Variants in SLC2A14 observed in about 807,000 individuals in gnomAD.
The protein encoded by SLC2A14 is solute carrier family 2 member 14.
SLC2A14 carries 13 observed loss-of-function variants against 43.0 expected under a neutral mutation model. The ratio of observed to expected loss-of-function variants is 0.30; its 90% CI spans 0.20 to 0.48. The LOEUF is 0.48. Among genes scored for constraint, SLC2A14 ranks in the 20% least tolerant of loss-of-function variants. The pLI is 0.99. For missense variants in SLC2A14, 428 were observed against 620.4 expected (o/e 0.69, Z 3.29); for synonymous variants, 190 against 233.8 (o/e 0.81, Z 1.71).
chr12:7,858,044 T>A (rs7956145), intron 2 of SLC2A14, among the ~76,000 whole-genome samples: 40,802 of 151,696 alleles, frequency 0.27, 5,926 homozygotes, highest in Middle Eastern at 0.34. Context: ...AGGCAATAAG[T>A]ACTGTTTGAG....
intron 1 of SLC2A14, among the ~76,000 whole-genome samples, chr12:7,878,841 C>G (rs1945510659): frequency 6.6e-6 from 1 of 151,356 alleles, no homozygotes; most frequent in Non-Finnish European, 1.5e-5. Flanking sequence ...GCTGGGCATG[C>G]TGGCACCTGC....
At chr12:7,874,743 A>ATATAAC (rs1565584399), upstream of SLC2A14, among the ~76,000 whole-genome samples, 2 of 112,962 alleles carry the variant, frequency 1.8e-5, no homozygotes, top group Non-Finnish European at 3.5e-5. Context: ...ATATAAAAAT[A>ATATAAC]TATATAAATA....
chr12:7,871,699 C>T (rs3923481), intron 1 of SLC2A14, among the ~76,000 whole-genome samples: 63,611 of 151,540 alleles, frequency 0.42, 13,245 homozygotes, highest in Admixed American at 0.46. Context: ...TGGGCTGCTC[C>T]CCAAGGAGGA....
At chr12:7,830,261 T>G (rs1335699819) in intron 4 of SLC2A14, among the ~76,000 whole-genome samples, 1 of 151,688 alleles carries the variant, frequency 6.6e-6, no homozygotes, top group African/African-American at 2.4e-5. Flanking sequence ...CAAGCAATTC[T>G]CTGCCTCATA....
chr12:7,827,790 C>T, intron 6 of SLC2A14, 108 bp from the exon 7 acceptor site: 1 of 1,517,266 alleles, frequency 6.6e-7, no homozygotes, highest in Non-Finnish European at 8.8e-7. Context: ...TGATGGGTAG[C>T]ATCCATTCCT....
At chr12:7,874,771 A>AAAT (rs1447376974), upstream of SLC2A14, among the ~76,000 whole-genome samples, 5 of 21,392 alleles carry the variant, frequency 2.3e-4, no homozygotes, top group Non-Finnish European at 4.1e-4. Context: ...AACTATATAA[A>AAAT]CATATATAAA....
intron 2 of SLC2A14, among the ~76,000 whole-genome samples, chr12:7,836,674 A>C (rs1865487684): frequency 1.3e-5 from 2 of 152,058 alleles, no homozygotes; most frequent in Admixed American, 6.5e-5. Context: ...TCTCTACTAA[A>C]GACACAAAAA....
intron 2 of SLC2A14, among the ~76,000 whole-genome samples, chr12:7,844,381 A>G (rs1429724709): frequency 6.6e-6 from 1 of 152,004 alleles, no homozygotes; most frequent in African/African-American, 2.4e-5. Flanking sequence ...TTACTTATCT[A>G]TTCTCCCACT....
chr12:7,851,958 C>G (rs781249863), intron 2 of SLC2A14, among the ~76,000 whole-genome samples: 1 of 152,152 alleles, frequency 6.6e-6, no homozygotes, highest in East Asian at 1.9e-4. Context: ...TACCTGGTGA[C>G]GGGACAGTGA....
At chr12:7,872,771 C>T (rs1945309212) in intron 1 of SLC2A14, 36 bp downstream of exon 1, 1 of 985,450 alleles carries the variant, frequency 1.0e-6, no homozygotes, top group Non-Finnish European at 1.2e-6. Flanking sequence ...CTCATTCCCG[C>T]ACCCCCCGGC....
chr12:7,850,851 T>C (rs1866880915), intron 2 of SLC2A14: 1 of 152,210 alleles, frequency 6.6e-6, no homozygotes, highest in African/African-American at 2.4e-5. Context: ...TTTTTCTCTG[T>C]CACAGCACCT....
Position 7,827,546 on chromosome 12 carries a change from G to C in SLC2A14, c.813C>G (p.Ile271Met), listed in dbSNP as rs369964930. 6.2e-7 allele frequency: 1 copy of C among 1,612,812 alleles called. No individual in the cohort carries two copies. Among genetic ancestry groups the C allele is most frequent in the African/African-American group, 1.3e-5 (1 of 74,480 alleles). Residue 271 changes from isoleucine (I) to methionine (M), a missense_variant, in exon 7 of 11, where the codon ATC becomes ATG. This residue lies in a region of SLC2A14 where 185 missense variants were observed against 275.4 expected (regional missense o/e 0.67). Coordinates refer to ENST00000431042, the MANE Select transcript of SLC2A14 (RefSeq NM_001286234.2). The stretch of plus-strand genomic sequence containing the variant: ...AGAGCTGGAGCACAATGGAAATGAT[G>C]ATGGGCTGTCGGTAGCTGGACACTC... The part of the protein sequence containing the change: ...LFRVSSYRQP[I>M]IISIVLQLSQ...
chr12:7,876,241 A>G (rs944648029), upstream of SLC2A14, among the ~76,000 whole-genome samples: 3 of 133,876 alleles, frequency 2.2e-5, no homozygotes, highest in Non-Finnish European at 3.1e-5. Flanking sequence ...AGATCGCGCC[A>G]TTGCACTCCA....
upstream of SLC2A14, chr12:7,873,071 G>C (rs1429330424): frequency 1.0e-6 from 1 of 985,328 alleles, no homozygotes; most frequent in Non-Finnish European, 1.2e-6. Context: ...GGCCCCTCCC[G>C]GCTTCTCACC....
intron 2 of SLC2A14, among the ~76,000 whole-genome samples, chr12:7,838,338 G>A (rs1333268906): frequency 1.3e-5 from 2 of 151,858 alleles, no homozygotes; most frequent in Admixed American, 6.6e-5. Flanking sequence ...CACCTGCCTC[G>A]GCCTCCCAAA....
At chr12:7,852,086 T>C (rs916513788) in intron 2 of SLC2A14, among the ~76,000 whole-genome samples, 1 of 152,174 alleles carries the variant, frequency 6.6e-6, no homozygotes, top group Admixed American at 6.6e-5. Flanking sequence ...GAGCTTCTAG[T>C]TTAAGTTGTA....
intron 7 of SLC2A14, among the ~76,000 whole-genome samples, chr12:7,824,852 G>T (rs187959650): frequency 5.9e-5 from 9 of 151,716 alleles, no homozygotes; most frequent in African/African-American, 1.9e-4. Flanking sequence ...CATCCACCAC[G>T]CCCGGCTAAT....
rs1234146235 is a variant in SLC2A14 at position 7,826,983 on chromosome 12, CCTTTCTCT to C, written c.864+504_864+511del. Among the ~76,000 whole-genome samples, 6 of 8,922 alleles carry C rather than the reference CCTTTCTCT, an allele frequency of 6.7e-4. 1 individual carries two copies. Among genetic ancestry groups the C allele is most frequent in the South Asian group, 5.8e-3 (2 of 344 alleles). 5.9% of individuals were successfully genotyped at this position (8,922 alleles called of 152,430 possible). The stretch of plus-strand genomic sequence containing the variant: ...TCTCTCTTTCTCTCTCTCTTTCTCT[CCTTTCTCT>C]CTTTCTCTCCTTTCTCTCTCTCTCT... On this transcript the variant is annotated intron_variant, in intron 7 of 10. Coordinates refer to ENST00000431042, the MANE Select transcript of SLC2A14 (RefSeq NM_001286234.2).
chr12:7,843,905 A>T (rs56296363), intron 2 of SLC2A14, among the ~76,000 whole-genome samples: 66,641 of 145,080 alleles, frequency 0.46, 15,263 homozygotes, highest in Middle Eastern at 0.59. Flanking sequence ...AGAAAAAAAC[A>T]CATTGTTTTC....
Sources: allele counts gnomAD v4.1 joint callset (sites outside exome capture counted in the v4.1 genomes callset), GRCh38; gene constraint gnomAD v4.1.1; regional missense constraint gnomAD v4.1.1; transcripts MANE v1.5; gene names NCBI Gene and HGNC (gene_info 2026-07-23, HGNC 2026-07-21).